The following CRADD variants were observed in gnomAD, a reference collection of about 807,000 sequenced individuals.
CRADD encodes the protein CARD and death domain containing adaptor protein.
Under a neutral mutation model 15.5 loss-of-function variants are expected in CRADD, and 9 were observed. The ratio of observed to expected loss-of-function variants is 0.58; its 90% CI spans 0.35 to 1.01. The LOEUF (loss-of-function observed/expected upper bound fraction) is 1.01, where lower values mean the gene tolerates loss of function less well. Among genes scored for constraint, CRADD ranks in the 50% least tolerant of loss-of-function variants. The pLI, the probability that CRADD is intolerant of heterozygous loss-of-function variation, is 0.02. For synonymous variants in CRADD, 118 were observed against 107.6 expected (o/e 1.10, Z -0.60); for missense variants, 227 against 250.3 (o/e 0.91, Z 0.63).
intron 2 of CRADD, among the ~76,000 whole-genome samples, chr12:93,684,276 T>C (rs2136796451): frequency 6.6e-6 from 1 of 152,044 alleles, no homozygotes; most frequent in East Asian, 1.9e-4. Context: ...AACGGGAGAG[T>C]TGGGGGGAAT....
chr12:93,840,647 A>G (rs986071683), intron 2 of CRADD, among the ~76,000 whole-genome samples: 2 of 151,440 alleles, frequency 1.3e-5, no homozygotes, highest in Non-Finnish European at 2.9e-5. Flanking sequence ...GCTCACCACA[A>G]CCTCTGCTTC....
intron 2 of CRADD, among the ~76,000 whole-genome samples, chr12:93,780,669 G>A (rs1050789281): frequency 5.9e-5 from 9 of 151,960 alleles, no homozygotes; most frequent in African/African-American, 2.2e-4. Context: ...GAGCCACAGT[G>A]TGTAATTGCT....
chr12:93,711,055 C>CCCCCCCT, intron 2 of CRADD, among the ~76,000 whole-genome samples: 24 of 43,494 alleles, frequency 5.5e-4, no homozygotes, highest in East Asian at 1.0e-3. Context: ...CCACCCCCGC[C>CCCCCCCT]TTTTTTTTTT....
rs1488991202 is a variant in CRADD, at chr12:93,738,684, T to C, written c.298+59612T>C. 6.6e-6 allele frequency: 3 copies of C among 453,630 alleles called. No individual in the cohort carries two copies. In the East Asian group the frequency reaches 1.0e-4, roughly 16 times the overall value. The allele number at this position is 453,630 out of a possible 1,614,324, so 28.1% of individuals were successfully genotyped here. A position where few individuals can be genotyped will look rare whatever the true frequency, so the allele number is the denominator to read the frequency against. On this transcript the variant is annotated intron_variant, in intron 2 of 2. Transcript: ENST00000332896. ...CGTAAAGTGTCAACCTCCTGTTTTA[T>C]TCTCATAAATAATGGAAATCTTAAC...
chr12:93,709,575 C>T (rs1197792379), intron 2 of CRADD, among the ~76,000 whole-genome samples: 1 of 152,214 alleles, frequency 6.6e-6, no homozygotes, highest in Non-Finnish European at 1.5e-5. Flanking sequence ...TATCCATATT[C>T]CCACAAAAGA....
chr12:93,836,365 T>G (rs1957973058), intron 2 of CRADD, among the ~76,000 whole-genome samples: 1 of 152,180 alleles, frequency 6.6e-6, no homozygotes, highest in Non-Finnish European at 1.5e-5. Flanking sequence ...TACCTTTTCT[T>G]CATTCCCTTA....
At chr12:93,801,111 G>T (rs1319988990) in intron 2 of CRADD, among the ~76,000 whole-genome samples, 1 of 152,152 alleles carries the variant, frequency 6.6e-6, no homozygotes, top group Non-Finnish European at 1.5e-5. Context: ...CACATCAGGA[G>T]GTACATAAAG....
intron 2 of CRADD, among the ~76,000 whole-genome samples, chr12:93,683,996 C>G (rs1442837527): frequency 6.6e-6 from 1 of 152,120 alleles, no homozygotes; most frequent in Non-Finnish European, 1.5e-5. Flanking sequence ...GGGTCAGTAT[C>G]CATAGCAAGA....
At chr12:93,809,364 A>T (rs1351573011) in intron 2 of CRADD, among the ~76,000 whole-genome samples, 1 of 152,220 alleles carries the variant, frequency 6.6e-6, no homozygotes, top group East Asian at 1.9e-4. Flanking sequence ...CAGTTTGAGG[A>T]ACATCGGTGT....
intron 2 of CRADD, among the ~76,000 whole-genome samples, chr12:93,818,059 G>A (rs1957726975): frequency 1.3e-5 from 2 of 152,176 alleles, no homozygotes; most frequent in Admixed American, 6.5e-5. Context: ...GATCAGGCTC[G>A]GAAAAGAGAT....
chr12:93,752,963 C>G (rs961147872), intron 2 of CRADD, among the ~76,000 whole-genome samples: 11 of 152,112 alleles, frequency 7.2e-5, no homozygotes, highest in Non-Finnish European at 1.5e-4. Flanking sequence ...TTTGTAAAAC[C>G]ATCAGATCTT....
At chr12:93,789,492 G>A (rs542998528) in intron 2 of CRADD, among the ~76,000 whole-genome samples, 2 of 152,276 alleles carry the variant, frequency 1.3e-5, no homozygotes, top group African/African-American at 4.8e-5. Context: ...AAACAATAAT[G>A]TTCAGTATAG....
At chr12:93,855,266 T>G (rs1348125771), downstream of CRADD, among the ~76,000 whole-genome samples, 1 of 152,122 alleles carries the variant, frequency 6.6e-6, no homozygotes, top group Non-Finnish European at 1.5e-5. Context: ...CACACAGGCC[T>G]GAGGCAGCAG....
chr12:93,838,365 G>A (rs1027448991), intron 2 of CRADD, among the ~76,000 whole-genome samples: 6 of 151,360 alleles, frequency 4.0e-5, no homozygotes, highest in Non-Finnish European at 7.4e-5. Context: ...GAACAGCCCC[G>A]CCCTACCCCT....
intron 2 of CRADD, among the ~76,000 whole-genome samples, chr12:93,702,582 G>A (rs1357163765): frequency 1.3e-5 from 2 of 150,896 alleles, no homozygotes; most frequent in Non-Finnish European, 2.9e-5. Context: ...TCTGAATGTG[G>A]CATTACGAGA....
At chr12:93,832,213 C>T (rs1053697378) in intron 2 of CRADD, among the ~76,000 whole-genome samples, 4 of 152,148 alleles carry the variant, frequency 2.6e-5, no homozygotes, top group African/African-American at 9.7e-5. Context: ...AAAAGCCTGC[C>T]TTCTCTCTCT....
intron 2 of CRADD, among the ~76,000 whole-genome samples, chr12:93,804,081 A>G (rs374608436): frequency 2.0e-5 from 3 of 152,244 alleles, no homozygotes; most frequent in Admixed American, 6.6e-5. Context: ...TACTGTTTGA[A>G]GTCATTAACA....
intron 2 of CRADD, among the ~76,000 whole-genome samples, chr12:93,799,150 G>A (rs1957451389): frequency 1.3e-5 from 2 of 152,120 alleles, no homozygotes; most frequent in Admixed American, 6.5e-5. Flanking sequence ...GGGATTTAAG[G>A]CCCCAAGGAA....
At chr12:93,852,018 C>T (rs1431938086), downstream of CRADD, among the ~76,000 whole-genome samples, 1 of 152,118 alleles carries the variant, frequency 6.6e-6, no homozygotes, top group East Asian at 1.9e-4. Context: ...AGTCTACTGG[C>T]CTTATCAGTT....
Sources: allele counts gnomAD v4.1 joint callset (sites outside exome capture counted in the v4.1 genomes callset), GRCh38; gene constraint gnomAD v4.1.1; transcripts MANE v1.5; gene names NCBI Gene and HGNC (gene_info 2026-07-23, HGNC 2026-07-21).